DNAH6: variants seen among roughly 807,000 people sequenced by gnomAD.
The protein encoded by DNAH6 is axonemal beta dynein heavy chain 6.
In DNAH6, 340 loss-of-function variants were observed where a neutral mutation model predicts 491.4. The observed-to-expected ratio is 0.69, with a 90% CI of 0.63 to 0.76. The LOEUF (loss-of-function observed/expected upper bound fraction) is 0.76. Among genes scored for constraint, DNAH6 ranks in the 30% least tolerant of loss-of-function variants. The pLI is 0.00. For missense variants in DNAH6, 4,443 were observed against 4,972.2 expected (o/e 0.89, Z 3.20); for synonymous variants, 1,603 against 1,686.1 (o/e 0.95, Z 1.21).
At chr2:84,784,422 T>C (rs1192372) in intron 65 of DNAH6, among the ~76,000 whole-genome samples, 32,778 of 152,140 alleles carry the variant, frequency 0.22, 4,095 homozygotes, top group African/African-American at 0.36. Context: ...AAATGTTTCC[T>C]ATTTCAAAGA....
chr2:84,663,364 A>G (rs1011316799), intron 37 of DNAH6, among the ~76,000 whole-genome samples: 4 of 152,190 alleles, frequency 2.6e-5, no homozygotes, highest in African/African-American at 7.2e-5. Context: ...GATTAGACAA[A>G]TGACTGACTA....
intron 2 of DNAH6, among the ~76,000 whole-genome samples, chr2:84,519,065 G>A (rs1675883726): frequency 6.6e-6 from 1 of 151,960 alleles, no homozygotes; most frequent in Admixed American, 6.6e-5. Flanking sequence ...AAAGAAAAGA[G>A]CACATGGACT....
intron 31 of DNAH6, 46 bp from the exon 32 acceptor site, chr2:84,640,384 T>C: frequency 8.3e-7 from 1 of 1,207,784 alleles, no homozygotes; most frequent in South Asian, 1.4e-5. Flanking sequence ...TAATACATTG[T>C]TATCAATACA....
In DNAH6 at chr2:84,744,923, G is replaced by C. The variant is rs59882385; in HGVS notation, c.10343-157G>C. Among the ~76,000 whole-genome samples the C allele has an allele frequency of 0.026, 3,961 of 152,086 alleles. 140 individuals carry two copies. The highest frequency in any genetic ancestry group is 0.086 in the African/African-American group (3,584 of 41,502). ...TTACATTTTAAATTCTTTACTTTTTGATTAGGTTGGGTAGCAGGGGAGACT... is the reference window on the plus strand; with the variant it reads ...TTACATTTTAAATTCTTTACTTTTTCATTAGGTTGGGTAGCAGGGGAGACT... On this transcript the variant is annotated intron_variant, in intron 62 of 76. Coordinates refer to ENST00000389394, the MANE Select transcript of DNAH6 (RefSeq NM_001370.2).
At chr2:84,667,875 G>A (rs1692317592) in intron 37 of DNAH6, among the ~76,000 whole-genome samples, 1 of 152,212 alleles carries the variant, frequency 6.6e-6, no homozygotes, top group African/African-American at 2.4e-5. Flanking sequence ...TTAAGAAAAT[G>A]TGGCACATAT....
intron 12 of DNAH6, among the ~76,000 whole-genome samples, chr2:84,575,403 A>G (rs566073652): frequency 2.0e-5 from 3 of 152,330 alleles, no homozygotes; most frequent in Admixed American, 6.5e-5. Flanking sequence ...CACTTACAGC[A>G]TGATAGATAC....
the DNAH6 span, among the ~76,000 whole-genome samples, chr2:84,472,115 TG>T: frequency 1.3e-5 from 2 of 152,168 alleles, no homozygotes; most frequent in Non-Finnish European, 2.9e-5. Context: ...GCTGCAGTTA[TG>T]GGTTGATCTT....
intron 1 of DNAH6, 85 bp from the exon 2 acceptor site, chr2:84,517,734 G>T: frequency 9.9e-7 from 1 of 1,015,060 alleles, no homozygotes; most frequent in Non-Finnish European, 1.4e-6. Flanking sequence ...ACTCTTCCTA[G>T]TCCTTAAGTC....
Position 84,619,715 on chromosome 2 carries a change from G to A in DNAH6, c.3603G>A (p.Leu1201=). The change falls in exon 24 of 77, where the codon CTG becomes CTA. Residue 1201 remains leucine (L), a synonymous_variant. Coordinates refer to ENST00000389394, the MANE Select transcript of DNAH6 (RefSeq NM_001370.2). ...ACTTCTTGTCAAATGATGAACTTCTGGAGATTTTGGCCCAGACACGAAATC... is the reference window on the plus strand; with the variant it reads ...ACTTCTTGTCAAATGATGAACTTCTAGAGATTTTGGCCCAGACACGAAATC... ...RFYFLSNDEL[L]EILAQTRNPQ... The A allele has an allele frequency of 3.9e-6, 6 of 1,551,498 alleles. No homozygotes were observed. The highest frequency in any genetic ancestry group is 5.2e-6 in the Non-Finnish European group (6 of 1,146,784).
In DNAH6 at chr2:84,722,681, G is replaced by A; in HGVS notation, c.9849G>A (p.Met3283Ile). Residue 3283 changes from methionine (M) to isoleucine (I), a missense_variant, in exon 60 of 77, where the codon ATG becomes ATA. Transcript: ENST00000389394. ...RLEEAESTEQMINVAREKYRP... is the reference protein window; with the variant it reads ...RLEEAESTEQIINVAREKYRP... ...AAGAAGCAGAGTCCACTGAGCAGAT[G>A]ATCAATGTGGCTCGTGAGAAGTATC... The A allele has an allele frequency of 1.9e-6, 3 of 1,550,688 alleles. No individual in the cohort carries two copies. The highest frequency in any genetic ancestry group is 2.6e-6 in the Non-Finnish European group (3 of 1,146,616).
intron 9 of DNAH6, 63 bp from the exon 10 acceptor site, chr2:84,552,855 T>C: frequency 1.1e-6 from 1 of 920,560 alleles, no homozygotes; most frequent in Non-Finnish European, 1.6e-6. Flanking sequence ...TCCCTTGTTT[T>C]TTTATTTTGT....
At chr2:84,524,808 G>A (rs1024178639) in intron 2 of DNAH6, among the ~76,000 whole-genome samples, 1 of 151,972 alleles carries the variant, frequency 6.6e-6, no homozygotes, top group African/African-American at 2.4e-5. Context: ...CTCAACTTGT[G>A]ATCCTGTTCT....
At chr2:84,644,329 G>A in intron 33 of DNAH6, among the ~76,000 whole-genome samples, 2 of 152,178 alleles carry the variant, frequency 1.3e-5, no homozygotes, top group Non-Finnish European at 2.9e-5. Flanking sequence ...TTATTAGGAA[G>A]AGCAGAGTGC....
intron 70 of DNAH6, among the ~76,000 whole-genome samples, chr2:84,800,281 A>G (rs1447953191): frequency 6.6e-6 from 1 of 152,194 alleles, no homozygotes; most frequent in Non-Finnish European, 1.5e-5. Flanking sequence ...CAAATTCAAA[A>G]AGATAAAGAG....
At chr2:84,804,636 G>A (rs1679244258) in intron 70 of DNAH6, among the ~76,000 whole-genome samples, 1 of 151,862 alleles carries the variant, frequency 6.6e-6, no homozygotes. Flanking sequence ...TTGAATAAAA[G>A]AATGACCTGA....
At chr2:84,690,285 G>T (rs1285954059) in intron 45 of DNAH6, among the ~76,000 whole-genome samples, 2 of 152,154 alleles carry the variant, frequency 1.3e-5, no homozygotes, top group Non-Finnish European at 1.5e-5. Flanking sequence ...CCATATTTCA[G>T]CTCTTTAATT....
At chr2:84,644,554 C>T (rs1220509572) in intron 33 of DNAH6, among the ~76,000 whole-genome samples, 1 of 152,074 alleles carries the variant, frequency 6.6e-6, no homozygotes, top group African/African-American at 2.4e-5. Context: ...TTCAGCCCAG[C>T]ATCCACTAGC....
At chr2:84,784,653 T>C in intron 65 of DNAH6, 69 bp from the exon 66 acceptor site, 1 of 920,570 alleles carries the variant, frequency 1.1e-6, no homozygotes, top group Non-Finnish European at 1.7e-6. Flanking sequence ...AATAATCATG[T>C]CTTATAGAAA....
intron 4 of DNAH6, among the ~76,000 whole-genome samples, chr2:84,537,764 G>A (rs1028413773): frequency 6.6e-5 from 10 of 152,056 alleles, no homozygotes; most frequent in South Asian, 2.1e-4. Flanking sequence ...TCATATCTAC[G>A]TAACCCTTCA....
Sources: gnomAD v4.1 joint callset for allele counts (sites outside exome capture counted in the v4.1 genomes callset) on GRCh38, gnomAD v4.1.1 for gene constraint, MANE v1.5 for transcripts, NCBI Gene and HGNC (gene_info 2026-07-23, HGNC 2026-07-21) for gene names.